Variants in SLC35E4 observed in about 807,000 individuals in gnomAD.
SLC35E4 encodes solute carrier family 35 member E4.
In SLC35E4, 15 loss-of-function variants were observed where a neutral mutation model predicts 19.3. The observed-to-expected ratio is 0.78, with a 90% CI of 0.52 to 1.20. The LOEUF is 1.20. SLC35E4 is among the 50% of genes most tolerant of loss of function. The pLI is 0.00. For synonymous variants in SLC35E4, 219 were observed against 219.9 expected, an observed-to-expected ratio of 1.00 and a Z score of 0.04; for missense variants, 406 against 472.3, an observed-to-expected ratio of 0.86 and a Z score of 1.30.
downstream of SLC35E4, chr22:30,663,837 A>G (rs762435339): frequency 2.4e-5 from 39 of 1,613,990 alleles, 1 homozygote; most frequent in South Asian, 3.1e-4. Context: ...GGTGTTCACT[A>G]CCTCCACTGA....
Position 30,646,687 on chromosome 22 carries a change from C to G in SLC35E4, c.709C>G (p.Leu237Val). 1 of 1,612,478 alleles carries G rather than the reference C, an allele frequency of 6.2e-7. No individual in the cohort carries two copies. The part of the protein sequence containing the change: ...PSFCLLAGAA[L>V]VLEAGVAPPP... ...CTTCTGCCTGCTGGCGGGTGCAGCC[C>G]TGGTGCTGGAGGCTGGCGTTGCCCC... The change falls in exon 2 of 2, where the codon CTG becomes GTG. Residue 237 changes from leucine to valine, a missense_variant. Leu to Val is a conservative substitution (Grantham distance 32). Transcript: ENST00000343605.
Position 30,644,200 on chromosome 22 carries a change from C to T in SLC35E4, c.620-2398C>T, listed in dbSNP as rs145799744. The stretch of plus-strand genomic sequence containing the variant: ...CTGATTATCTGTTCATTTCTAGAAA[C>T]GCTTGAGCCAGAGGGACTGTTTGTT... On this transcript the variant is annotated intron_variant, in intron 1 of 1. Transcript: ENST00000343605. 1.7e-3 allele frequency among the ~76,000 whole-genome samples: 266 copies of T among 152,306 alleles called. 6 individuals carry two copies. In the South Asian group the frequency reaches 0.025, roughly 14 times the overall value.
intron 2 of SLC35E4, among the ~76,000 whole-genome samples, chr22:30,658,994 G>A (rs2088402946): frequency 6.6e-6 from 1 of 151,886 alleles, no homozygotes; most frequent in Non-Finnish European, 1.5e-5. Context: ...CATGGTGGCG[G>A]GTCCCTGTAG....
At chr22:30,663,359 T>C (rs916130083), downstream of SLC35E4, 14 of 1,395,484 alleles carry the variant, frequency 1.0e-5, no homozygotes. Context: ...AAAAGTAGAA[T>C]GTTCAAGTTT....
intron 2 of SLC35E4, among the ~76,000 whole-genome samples, chr22:30,658,926 C>T (rs984671582): frequency 2.0e-5 from 3 of 152,064 alleles, no homozygotes; most frequent in South Asian, 2.1e-4. Context: ...GGGTGGATCA[C>T]GAGATCAGGA....
At chr22:30,645,489 G>A (rs2088113322) in intron 1 of SLC35E4, among the ~76,000 whole-genome samples, 1 of 151,788 alleles carries the variant, frequency 6.6e-6, no homozygotes, top group South Asian at 2.1e-4. Context: ...CAGCTACTTG[G>A]GAGACTGAGG....
chr22:30,639,815 AAC>A (rs1217086383), intron 1 of SLC35E4, among the ~76,000 whole-genome samples: 2 of 152,212 alleles, frequency 1.3e-5, no homozygotes, highest in South Asian at 2.1e-4. Flanking sequence ...ATATTGTTCA[AAC>A]ACACATGCTC....
At chr22:30,649,523 C>T (rs563264249), downstream of SLC35E4, among the ~76,000 whole-genome samples, 31 of 150,480 alleles carry the variant, frequency 2.1e-4, 1 homozygote, top group African/African-American at 7.6e-4. Context: ...CTAGGAGGAC[C>T]GGTATGGGGT....
chr22:30,656,595 C>A (rs2088342143), intron 2 of SLC35E4, among the ~76,000 whole-genome samples: 2 of 152,154 alleles, frequency 1.3e-5, no homozygotes, highest in Non-Finnish European at 2.9e-5. Context: ...GCTATGGGAC[C>A]ACTTCTTTCT....
chr22:30,654,390 C>T, intron 2 of SLC35E4: 1 of 459,362 alleles, frequency 2.2e-6, no homozygotes, highest in Non-Finnish European at 4.3e-6. Flanking sequence ...CTTTGTGATC[C>T]AGCTGCCCCA....
chr22:30,650,428 A>G (rs950214060), downstream of SLC35E4, among the ~76,000 whole-genome samples: 3 of 152,166 alleles, frequency 2.0e-5, no homozygotes, highest in African/African-American at 4.8e-5. Flanking sequence ...CCTAGGAGGC[A>G]GAGATTGCTG....
At chr22:30,666,294 T>C (rs2088659057), downstream of SLC35E4, among the ~76,000 whole-genome samples, 1 of 152,132 alleles carries the variant, frequency 6.6e-6, no homozygotes, top group Non-Finnish European at 1.5e-5. Context: ...GTGAGGGTAG[T>C]GATGCGAGGA....
intron 1 of SLC35E4, among the ~76,000 whole-genome samples, chr22:30,645,526 C>T (rs1326459736): frequency 7.1e-6 from 1 of 141,320 alleles, no homozygotes; most frequent in Non-Finnish European, 1.5e-5. Flanking sequence ...ACCTGGGAGG[C>T]AGAAGTTGCA....
chr22:30,642,164 C>T (rs1004802571), intron 1 of SLC35E4, among the ~76,000 whole-genome samples: 4 of 151,702 alleles, frequency 2.6e-5, no homozygotes, highest in African/African-American at 9.7e-5. Context: ...GGCGTGCCTC[C>T]ATGCCCAGCT....
chr22:30,642,039 TTA>T (rs1459216274), intron 1 of SLC35E4, among the ~76,000 whole-genome samples: 1 of 151,966 alleles, frequency 6.6e-6, no homozygotes, highest in Admixed American at 6.6e-5. Context: ...GTTTGTTTGT[TTA>T]TGAGAGGGTC....
At chr22:30,657,348 A>T (rs1264099180) in intron 2 of SLC35E4, among the ~76,000 whole-genome samples, 1 of 151,434 alleles carries the variant, frequency 6.6e-6, no homozygotes, top group Non-Finnish European at 1.5e-5. Flanking sequence ...AATCCCAGCT[A>T]CTTGGGAGGC....
intron 2 of SLC35E4, among the ~76,000 whole-genome samples, chr22:30,656,837 T>A (rs147656463): frequency 5.9e-5 from 9 of 152,308 alleles, no homozygotes; most frequent in Middle Eastern, 3.4e-3. Context: ...AGGAATGGCT[T>A]GGCCCAGTGG....
At chr22:30,650,253 A>G (rs2088187559), downstream of SLC35E4, among the ~76,000 whole-genome samples, 1 of 150,448 alleles carries the variant, frequency 6.6e-6, no homozygotes. Context: ...AATCGCTTGA[A>G]CCTGGGAGGC....
chr22:30,662,958 C>G (rs1400874057), exon 3 of SLC35E4: 1 of 154,534 alleles, frequency 6.5e-6, no homozygotes. Flanking sequence ...CTGGGACCCC[C>G]CAGGATTCCT....
Sources: allele counts gnomAD v4.1 joint callset (sites outside exome capture counted in the v4.1 genomes callset), GRCh38; gene constraint gnomAD v4.1.1; transcripts MANE v1.5; gene names NCBI Gene and HGNC (gene_info 2026-07-23, HGNC 2026-07-21).